MYH9: variants seen among roughly 807,000 people sequenced by gnomAD.
MYH9 encodes the protein myosin-9.
MYH9 carries 29 observed loss-of-function variants against 241.9 expected under a neutral mutation model. That is an observed-to-expected ratio of 0.12 (90% CI 0.09 to 0.16). MYH9 has a LOEUF of 0.16. Ranked by LOEUF, MYH9 falls within the 10% of genes least tolerant of loss-of-function variation. The probability of loss-of-function intolerance (pLI) is 1.00; values close to 1 mark genes in which losing one functional copy is unlikely to be tolerated. For missense variants in MYH9, 1,803 were observed against 2,595.5 expected, an observed-to-expected ratio of 0.69 and a Z score of 6.63; for synonymous variants, 1,047 against 1,062.6, an observed-to-expected ratio of 0.99 and a Z score of 0.29.
At chr22:36,334,150 T>C (rs561041716) in intron 3 of MYH9, among the ~76,000 whole-genome samples, 3 of 151,760 alleles carry the variant, frequency 2.0e-5, no homozygotes, top group Admixed American at 6.5e-5. Flanking sequence ...TAACTGCAGA[T>C]TCCTCTTCTA....
chr22:36,296,912 T>C lies in MYH9; in HGVS notation c.3203A>G (p.Gln1068Arg). The change falls in exon 25 of 41, where the codon CAG becomes CGG. Residue 1068 changes from glutamine to arginine, a missense_variant. Physicochemically the swap from Gln to Arg is conservative, Grantham distance 43. Around this residue, in one of 11 missense-constraint regions of MYH9, gnomAD observed 290 missense variants for 360.5 expected, o/e 0.80. Coordinates refer to ENST00000216181, the MANE Select transcript of MYH9 (RefSeq NM_002473.6). ...TDLSDQIAEL[Q>R]AQIAELKMQL... ...CATCTTGAGCTCCGCGATCTGGGCC[T>C]GGAGCTCGGCGATCTGGTCGCTGAG... The C allele has an allele frequency of 6.2e-7, 1 of 1,613,988 alleles. No individual in the cohort carries two copies.
intron 2 of MYH9, among the ~76,000 whole-genome samples, chr22:36,346,942 A>G (rs180947942): frequency 6.6e-6 from 1 of 152,264 alleles, no homozygotes; most frequent in East Asian, 1.9e-4. Context: ...CCACTAGGTC[A>G]AAAACATTTT....
intron 3 of MYH9, among the ~76,000 whole-genome samples, chr22:36,338,876 A>G (rs999784831): frequency 2.6e-5 from 4 of 152,140 alleles, no homozygotes; most frequent in Non-Finnish European, 4.4e-5. Flanking sequence ...TAATTTGCAA[A>G]TCTGATCAAA....
At position 36,282,554 on chromosome 22, in the gene MYH9, G is replaced by A. The variant is rs974309783; in HGVS notation, c.*114C>T. The A allele has an allele frequency of 8.1e-6, 8 of 985,478 alleles. No homozygotes were observed. The highest frequency in any genetic ancestry group is 4.2e-4 in the Middle Eastern group (2 of 4,806). 61.0% of individuals were successfully genotyped at this position (985,478 alleles called of 1,614,324 possible). On this transcript the variant is annotated 3_prime_UTR_variant, in exon 41 of 41. Transcript: ENST00000216181. ...TGGGGGGACGGGGCGGAGGGCAGGA[G>A]GAGGCATGTTCACAGCAGTCCCAAG...
intron 40 of MYH9, 151 bp from the exon 41 acceptor site, chr22:36,282,936 C>T (rs1479856135): frequency 1.4e-6 from 1 of 703,156 alleles, no homozygotes. Flanking sequence ...TCTTGGGAGC[C>T]ACAGCTGAGC....
intron 38 of MYH9, 139 bp from the exon 39 acceptor site, chr22:36,284,650 T>A: frequency 1.3e-6 from 1 of 791,582 alleles, no homozygotes; most frequent in Non-Finnish European, 2.1e-6. Flanking sequence ...TAGACACCTA[T>A]GTGTACCCGG....
rs768607572 is a variant in MYH9 at position 36,288,997 on chromosome 22, G to A, written c.4558-58C>T. The A allele has an allele frequency of 1.2e-5, 19 of 1,611,820 alleles. No homozygotes were observed. Among genetic ancestry groups the A allele is most frequent in the African/African-American group, 2.7e-5 (2 of 74,896 alleles). ...GGGACTGGCAGGTACCTGGGTCTGCGCGACCCGGAGTCTGTGCACACACCG... is the reference window on the plus strand; with the variant it reads ...GGGACTGGCAGGTACCTGGGTCTGCACGACCCGGAGTCTGTGCACACACCG... On this transcript the variant is annotated intron_variant, in intron 32 of 40. Coordinates refer to ENST00000216181, the MANE Select transcript of MYH9 (RefSeq NM_002473.6). The surrounding 1 kb of genome is among the most constrained non-coding windows in gnomAD (Gnocchi z 4.8).
rs766731617 is a variant in MYH9 at position 36,302,642 on chromosome 22, T to A, written c.2425A>T (p.Met809Leu). Reference sequence around the variant, plus strand: ...GCGCAGTTCCGCTGGAGGACCTTCATGGCGGTAAGCTGCTGCTGCCGCTTG... The same window carrying A: ...GCGCAGTTCCGCTGGAGGACCTTCAAGGCGGTAAGCTGCTGCTGCCGCTTG... The part of the protein sequence containing the change: ...FAKRQQQLTA[M>L]KVLQRNCAAY... The change falls in exon 20 of 41, where the codon ATG becomes TTG. Residue 809 changes from methionine to leucine, a missense_variant. Physicochemically the swap from Met to Leu is conservative, Grantham distance 15 (BLOSUM62 2). Transcript: ENST00000216181. 2 of 1,613,542 alleles carry A rather than the reference T, an allele frequency of 1.2e-6. No individual in the cohort carries two copies. Among genetic ancestry groups the A allele is most frequent in the Non-Finnish European group, 1.7e-6 (2 of 1,179,926 alleles).
At chr22:36,385,909 G>A (rs1010007023) in intron 1 of MYH9, among the ~76,000 whole-genome samples, 1 of 152,192 alleles carries the variant, frequency 6.6e-6, no homozygotes, top group East Asian at 1.9e-4. Flanking sequence ...TGCCAAACCT[G>A]CAATGTGCTT....
chr22:36,309,202 G>A, intron 15 of MYH9, 80 bp downstream of exon 15: 1 of 1,220,852 alleles, frequency 8.2e-7, no homozygotes, highest in Non-Finnish European at 1.2e-6. Flanking sequence ...CCCTTGTTTG[G>A]CAGCTCGGCC....
chr22:36,353,485 C>T (rs1415243846), intron 1 of MYH9, among the ~76,000 whole-genome samples: 2 of 152,124 alleles, frequency 1.3e-5, no homozygotes, highest in Middle Eastern at 3.4e-3. Context: ...CTCAGGCTTC[C>T]GAGTAGCTGG....
chr22:36,341,420 G>T lies in MYH9; in HGVS notation c.440C>A (p.Pro147His). The change falls in exon 3 of 41, where the codon CCC (proline) becomes CAC (histidine). Residue 147 changes from proline (P) to histidine (H), a missense_variant. Physicochemically the swap from Pro to His is moderately conservative, Grantham distance 77. Around this residue, in one of 11 missense-constraint regions of MYH9, gnomAD observed 72 missense variants for 134.3 expected, o/e 0.54. Transcript: ENST00000216181. Reference sequence around the variant, plus strand: ...GTCTGTGATGGCATAGATGTGAGGGGGCATCTCGTGCCTCTTCTTGCCCTT... The same window carrying T: ...GTCTGTGATGGCATAGATGTGAGGGTGCATCTCGTGCCTCTTCTTGCCCTT... Reference protein sequence around the residue: ...MYKGKKRHEMPPHIYAITDTA... With the variant: ...MYKGKKRHEMHPHIYAITDTA... The T allele has an allele frequency of 6.2e-7, 1 of 1,614,126 alleles. No individual in the cohort carries two copies. The highest frequency in any genetic ancestry group is 8.5e-7 in the Non-Finnish European group (1 of 1,180,006).
intron 1 of MYH9, among the ~76,000 whole-genome samples, chr22:36,356,442 G>A (rs1469315832): frequency 2.6e-5 from 4 of 151,866 alleles, no homozygotes; most frequent in African/African-American, 7.3e-5. Context: ...TTAGCCAGGC[G>A]TGGTGGCGCG....
intron 1 of MYH9, among the ~76,000 whole-genome samples, chr22:36,374,714 T>C (rs2018139970): frequency 6.6e-6 from 1 of 152,110 alleles, no homozygotes; most frequent in Non-Finnish European, 1.5e-5. Flanking sequence ...ACTCCCACAT[T>C]TCCTGGGAAA....
intron 1 of MYH9, among the ~76,000 whole-genome samples, chr22:36,377,050 G>A (rs571941975): frequency 2.9e-5 from 4 of 135,854 alleles, no homozygotes; most frequent in Non-Finnish European, 4.9e-5. Flanking sequence ...GCGACAAAGC[G>A]AGACCCTACC....
rs1166321619 is a variant in MYH9 at position 36,290,988 on chromosome 22, C to T, written c.4344+998G>A. Among the ~76,000 whole-genome samples, 187 of 151,246 alleles carry T rather than the reference C, an allele frequency of 1.2e-3. 1 individual carries two copies. Among genetic ancestry groups the T allele is most frequent in the African/African-American group, 4.4e-3 (182 of 40,994 alleles). On this transcript the variant is annotated intron_variant, in intron 31 of 40. Transcript: ENST00000216181. ...CTGAGAGGTGAGGAGCCCCTCCGCCCGGCGGCCACCCCGTCTGGGAAGTGA... is the reference window on the plus strand; with the variant it reads ...CTGAGAGGTGAGGAGCCCCTCCGCCTGGCGGCCACCCCGTCTGGGAAGTGA...
chr22:36,342,260 C>A lies in MYH9; in HGVS notation c.334-734G>T, dbSNP rs370340372. Among the ~76,000 whole-genome samples, 4 of 152,238 alleles carry A rather than the reference C, an allele frequency of 2.6e-5. No homozygotes were observed. In the South Asian group the frequency reaches 6.2e-4, roughly 24 times the overall value. On this transcript the variant is annotated intron_variant, in intron 2 of 40. Transcript: ENST00000216181. ...GTGACTTGATCAAATTCAAATAAGA[C>A]CCCCAGAGTCAGATATCCTGAGTTC...
intron 2 of MYH9, among the ~76,000 whole-genome samples, chr22:36,346,858 G>T (rs2017685457): frequency 6.6e-6 from 1 of 152,020 alleles, no homozygotes; most frequent in Non-Finnish European, 1.5e-5. Flanking sequence ...CTCTCGTCTT[G>T]GCCTCCCAAG....
intron 31 of MYH9, 59 bp downstream of exon 31, chr22:36,291,927 C>T: frequency 6.2e-7 from 1 of 1,612,102 alleles, no homozygotes; most frequent in South Asian, 1.1e-5. Flanking sequence ...GGGCCCTTTG[C>T]TTTGGACTCA....
Sources: gnomAD v4.1 joint callset for allele counts (sites outside exome capture counted in the v4.1 genomes callset) on GRCh38, gnomAD v4.1.1 for gene constraint, gnomAD v4.1.1 regional missense constraint, Gnocchi (gnomAD v3.1) non-coding constraint, MANE v1.5 for transcripts, NCBI Gene and HGNC (gene_info 2026-07-23, HGNC 2026-07-21) for gene names.